The following SCAMP1 variants were observed in gnomAD, a reference collection of about 807,000 sequenced individuals.
The protein encoded by SCAMP1 is secretory carrier membrane protein 1, also known as secretory carrier-associated membrane protein 1.
A neutral mutation model predicts 41.8 loss-of-function variants in SCAMP1; 15 were observed. That is an observed-to-expected ratio of 0.36 (90% CI 0.24 to 0.55). The LOEUF (loss-of-function observed/expected upper bound fraction) is 0.55, where lower values mean the gene tolerates loss of function less well. Ranked by LOEUF, SCAMP1 falls within the 20% of genes least tolerant of loss-of-function variation. The pLI, the probability that SCAMP1 is intolerant of heterozygous loss-of-function variation, is 0.86. For synonymous variants in SCAMP1, 135 were observed against 136.8 expected, an observed-to-expected ratio of 0.99 and a Z score of 0.09; for missense variants, 341 against 412.6, an observed-to-expected ratio of 0.83 and a Z score of 1.50.
chr5:78,391,889 C>T (rs1443502408), intron 2 of SCAMP1, among the ~76,000 whole-genome samples: 9 of 152,254 alleles, frequency 5.9e-5, no homozygotes, highest in East Asian at 5.8e-4. Flanking sequence ...CGCCTGCAAT[C>T]GCAGGCACTC....
At chr5:78,428,406 G>A (rs1752518815) in intron 6 of SCAMP1, among the ~76,000 whole-genome samples, 1 of 152,014 alleles carries the variant, frequency 6.6e-6, no homozygotes, top group African/African-American at 2.4e-5. Context: ...TGAATTGTTT[G>A]GACACTTTTC....
chr5:78,424,327 G>A (rs1463489349), intron 6 of SCAMP1, among the ~76,000 whole-genome samples: 2 of 152,170 alleles, frequency 1.3e-5, no homozygotes, highest in Non-Finnish European at 2.9e-5. Context: ...AAATCTCAAG[G>A]AAAATTATAT....
intron 6 of SCAMP1, among the ~76,000 whole-genome samples, chr5:78,429,677 G>A (rs905207881): frequency 6.6e-6 from 1 of 152,016 alleles, no homozygotes; most frequent in African/African-American, 2.4e-5. Flanking sequence ...GTTCTTACCA[G>A]AGTTCAGTAG....
chr5:78,376,239 G>A (rs577827773), intron 1 of SCAMP1, among the ~76,000 whole-genome samples: 1 of 152,100 alleles, frequency 6.6e-6, no homozygotes, highest in South Asian at 2.1e-4. Flanking sequence ...ATTGGGGGTG[G>A]GTTCCCCCGA....
At chr5:78,463,151 AAC>A (rs150743850) in intron 8 of SCAMP1, among the ~76,000 whole-genome samples, 4,323 of 152,254 alleles carry the variant, frequency 0.028, 220 homozygotes, top group African/African-American at 0.097. Context: ...TTCTGCACCA[AAC>A]ACACATACCA....
intron 8 of SCAMP1, among the ~76,000 whole-genome samples, chr5:78,466,315 G>A (rs568983431): frequency 2.6e-5 from 4 of 152,304 alleles, no homozygotes; most frequent in East Asian, 3.9e-4. Context: ...TTATTTAATG[G>A]CCATGATAGA....
intron 1 of SCAMP1, among the ~76,000 whole-genome samples, chr5:78,385,441 C>T (rs749662749): frequency 2.0e-5 from 3 of 151,844 alleles, no homozygotes; most frequent in Non-Finnish European, 2.9e-5. Context: ...GTTTCTATTT[C>T]ATTTAGTTCT....
intron 8 of SCAMP1, among the ~76,000 whole-genome samples, chr5:78,472,265 T>A (rs2012562): frequency 0.82 from 124,023 of 152,016 alleles, 51,248 homozygotes; most frequent in East Asian, 0.92. Context: ...TGATACTTTA[T>A]GTTCTGGGAT....
chr5:78,402,694 G>A (rs758529819), intron 2 of SCAMP1, among the ~76,000 whole-genome samples: 1 of 152,024 alleles, frequency 6.6e-6, no homozygotes, highest in African/African-American at 2.4e-5. Context: ...TTTAAAGTGG[G>A]TTTCTTATAG....
chr5:78,423,620 A>G (rs971995871), intron 6 of SCAMP1, among the ~76,000 whole-genome samples: 1 of 152,122 alleles, frequency 6.6e-6, no homozygotes, highest in East Asian at 1.9e-4. Flanking sequence ...TGTAGCCAAA[A>G]TAAATGACTA....
chr5:78,453,107 T>A (rs1753284441), intron 7 of SCAMP1, among the ~76,000 whole-genome samples: 2 of 150,562 alleles, frequency 1.3e-5, no homozygotes, highest in Non-Finnish European at 3.0e-5. Flanking sequence ...ACGAGTAGGT[T>A]GCGAAAATTT....
intron 6 of SCAMP1, among the ~76,000 whole-genome samples, chr5:78,426,264 A>C (rs867679311): frequency 4.6e-5 from 7 of 152,158 alleles, no homozygotes; most frequent in Non-Finnish European, 1.0e-4. Context: ...ATATGTTTGC[A>C]TGTGTCTTTA....
intron 2 of SCAMP1, among the ~76,000 whole-genome samples, chr5:78,396,692 T>G (rs1751659373): frequency 6.6e-6 from 1 of 152,128 alleles, no homozygotes; most frequent in South Asian, 2.1e-4. Flanking sequence ...AAACTCCTGG[T>G]GCACTCGAAT....
At chr5:78,474,009 T>C (rs1753946490) in intron 8 of SCAMP1, among the ~76,000 whole-genome samples, 1 of 151,946 alleles carries the variant, frequency 6.6e-6, no homozygotes, top group South Asian at 2.1e-4. Flanking sequence ...ATAGACAGTT[T>C]CTGTGTCCTT....
chr5:78,410,244 C>G (rs961289043), intron 2 of SCAMP1, among the ~76,000 whole-genome samples: 1 of 151,852 alleles, frequency 6.6e-6, no homozygotes, highest in Admixed American at 6.6e-5. Context: ...AGTATTAAAC[C>G]CAGCATTCAC....
intron 6 of SCAMP1, among the ~76,000 whole-genome samples, chr5:78,430,450 G>C (rs968537511): frequency 6.6e-6 from 1 of 151,026 alleles, no homozygotes; most frequent in Non-Finnish European, 1.5e-5. Flanking sequence ...ATATTTTCTG[G>C]CAAGATTGAA....
rs1301532542 is a variant in SCAMP1 at position 78,453,110 on chromosome 5, G to A, written c.734+3076G>A. Among the ~76,000 whole-genome samples, 6 of 150,452 alleles carry A rather than the reference G, an allele frequency of 4.0e-5. 1 individual carries two copies. Among genetic ancestry groups the A allele is most frequent in the African/African-American group, 1.2e-4 (5 of 40,142 alleles). ...GCCCTTTGTCAGACGAGTAGGTTGC[G>A]AAAATTTTCTCCCATTTTGTAGGTT... On this transcript the variant is annotated intron_variant, in intron 7 of 8. Coordinates refer to ENST00000621999, the MANE Select transcript of SCAMP1 (RefSeq NM_004866.6).
chr5:78,422,743 T>C (rs1752368730), intron 6 of SCAMP1, among the ~76,000 whole-genome samples: 1 of 152,228 alleles, frequency 6.6e-6, no homozygotes, highest in Non-Finnish European at 1.5e-5. Context: ...GACTATTGCT[T>C]TAAGAAGTAT....
Position 78,415,547 on chromosome 5 carries a change from A to T in SCAMP1, c.163A>T (p.Asn55Tyr), listed in dbSNP as rs754625657. The change falls in exon 3 of 9, where the codon AAT becomes TAT. Residue 55 changes from asparagine to tyrosine, a missense_variant. Transcript: ENST00000621999. ...TCCACCAGGCGGTGTGAAGATGCCT[A>T]ATGTACCCAATACACAACCAGCAAT... ...TPPPGGVKMP[N>Y]VPNTQPAIMK... 1 of 1,606,870 alleles carries T rather than the reference A, an allele frequency of 6.2e-7. No homozygotes were observed. The highest frequency in any genetic ancestry group is 2.2e-5 in the East Asian group (1 of 44,778).
Sources: allele counts gnomAD v4.1 joint callset (sites outside exome capture counted in the v4.1 genomes callset), GRCh38; gene constraint gnomAD v4.1.1; transcripts MANE v1.5; gene names NCBI Gene and HGNC (gene_info 2026-07-23, HGNC 2026-07-21).